Variants in EI24 observed in about 807,000 individuals in gnomAD.
EI24 encodes the protein EI24 autophagy associated transmembrane protein.
A neutral mutation model predicts 48.6 loss-of-function variants in EI24; 21 were observed. The ratio of observed to expected loss-of-function variants is 0.43; its 90% CI spans 0.31 to 0.62. EI24 has a LOEUF of 0.62. EI24 is among the 20% of genes least tolerant of loss of function. The pLI is 0.10. For missense variants in EI24, 280 were observed against 410.5 expected, an observed-to-expected ratio of 0.68 and a Z score of 2.75; for synonymous variants, 114 against 145.5, an observed-to-expected ratio of 0.78 and a Z score of 1.56.
chr11:125,571,138 AGCAGTTT>A (rs1354571131), intron 1 of EI24, among the ~76,000 whole-genome samples: 1 of 152,186 alleles, frequency 6.6e-6, no homozygotes, highest in African/African-American at 2.4e-5. Flanking sequence ...GTCAATGAGG[AGCAGTTT>A]GGTGAAGTGG....
At chr11:125,570,988 C>T (rs1484210341) in intron 1 of EI24, among the ~76,000 whole-genome samples, 1 of 152,174 alleles carries the variant, frequency 6.6e-6, no homozygotes. Context: ...GTTTCTTACC[C>T]TAGAGACTTC....
At position 125,584,386 on chromosome 11, in the gene EI24, A is replaced by G. The variant is rs531235748; in HGVS notation, c.*703A>G. ...TTCATTGGTACATTTAAAGTCCCCC[A>G]ACTATGGGGAGGTACCAATTCTGGA... On this transcript the variant is annotated 3_prime_UTR_variant, in exon 11 of 11. Transcript: ENST00000278903. 3 of 152,722 alleles carry G rather than the reference A, an allele frequency of 2.0e-5. No homozygotes were observed. The East Asian group carries it at 5.8e-4, about 29-fold the overall frequency. 9.5% of individuals were successfully genotyped at this position (152,722 alleles called of 1,614,324 possible). A position where few individuals can be genotyped will look rare whatever the true frequency, so the allele number is the denominator to read the frequency against.
At position 125,572,486 on chromosome 11, in the gene EI24, CTT is replaced by C; in HGVS notation, c.-41_-40del. On this transcript the variant is annotated 5_prime_UTR_variant, in exon 2 of 11. The change creates a premature stop within an existing upstream ORF in the 5' untranslated region. Coordinates refer to ENST00000278903, the MANE Select transcript of EI24 (RefSeq NM_004879.5). ...CTTCATGATGAGAGATTTGGGGACA[CTT>C]CTCTCTCCTGTGTGTAGTTGATAGT... is the stretch of plus-strand genomic sequence containing the variant. The C allele has an allele frequency of 2.5e-6, 4 of 1,594,768 alleles. No homozygotes were observed. In the South Asian group the frequency reaches 3.3e-5, roughly 13 times the overall value.
At chr11:125,577,679 A>C in intron 5 of EI24, 109 bp downstream of exon 5, 1 of 943,480 alleles carries the variant, frequency 1.1e-6, no homozygotes, top group Non-Finnish European at 1.6e-6. Flanking sequence ...TTCACTGTTT[A>C]TTTTCTTTTT....
chr11:125,576,119 A>G, intron 3 of EI24, 136 bp from the exon 4 acceptor site: 2 of 856,376 alleles, frequency 2.3e-6, no homozygotes, highest in Non-Finnish European at 3.7e-6. Context: ...ATTGACTGAC[A>G]TTAGAACATT....
At chr11:125,581,964 G>T (rs1007558259) in intron 9 of EI24, among the ~76,000 whole-genome samples, 103 of 152,086 alleles carry the variant, frequency 6.8e-4, no homozygotes, top group Non-Finnish European at 9.8e-4. Flanking sequence ...TTGGGAGGCT[G>T]AGGTGGGCAG....
Position 125,581,312 on chromosome 11 carries a change from T to C in EI24, c.775T>C (p.Tyr259His). 1 of 1,603,178 alleles carries C rather than the reference T, an allele frequency of 6.2e-7. No homozygotes were observed. Among genetic ancestry groups the C allele is most frequent in the Non-Finnish European group, 8.5e-7 (1 of 1,172,578 alleles). ...TTTTCTCACAGCAATGCAGTCCTCA[T>C]ATATTATCAGGTAATTTGGCTACAG... ...LAFLTAMQSSYIISGCLFSIL... is the reference protein window; with the variant it reads ...LAFLTAMQSSHIISGCLFSIL... Residue 259 changes from tyrosine (Y) to histidine (H), a missense_variant, in exon 9 of 11, where the codon TAT becomes CAT. By Grantham distance (83) the Tyr-to-His change is moderately conservative. Coordinates refer to ENST00000278903, the MANE Select transcript of EI24 (RefSeq NM_004879.5).
intron 4 of EI24, among the ~76,000 whole-genome samples, chr11:125,576,702 A>G (rs1938762548): frequency 6.6e-6 from 1 of 152,244 alleles, no homozygotes; most frequent in Admixed American, 6.5e-5. Flanking sequence ...GTGATCAACA[A>G]GAGTTAATTT....
chr11:125,582,457 A>C (rs751230360), intron 10 of EI24, 37 bp downstream of exon 10: 20 of 1,519,196 alleles, frequency 1.3e-5, no homozygotes, highest in Non-Finnish European at 1.8e-6. Flanking sequence ...TTGCTGTGTA[A>C]AGGGTTGGGG....
rs12417397 is a variant in EI24, at chr11:125,583,892, A to G, written c.*209A>G. Reference sequence around the variant, plus strand: ...CACCAGTGTGTGGATTTTTAACATCACCGTGAGTCTGAAAGGACCACAGGT... The same window carrying G: ...CACCAGTGTGTGGATTTTTAACATCGCCGTGAGTCTGAAAGGACCACAGGT... On this transcript the variant is annotated 3_prime_UTR_variant, in exon 11 of 11. Coordinates refer to ENST00000278903, the MANE Select transcript of EI24 (RefSeq NM_004879.5). The G allele has an allele frequency of 1.6e-6, 1 of 613,794 alleles. No individual in the cohort carries two copies. The highest frequency in any genetic ancestry group is 2.8e-6 in the Non-Finnish European group (1 of 356,438). The allele number at this position is 613,794 out of a possible 1,614,324, so 38.0% of individuals were successfully genotyped here.
chr11:125,583,318 A>G (rs531692815), intron 10 of EI24, among the ~76,000 whole-genome samples: 1 of 152,300 alleles, frequency 6.6e-6, no homozygotes, highest in African/African-American at 2.4e-5. Context: ...TGCTGGGATT[A>G]CAGGTATGAG....
In EI24 at chr11:125,578,017, G is replaced by A. The variant is rs752294064; in HGVS notation, c.317-116G>A. On this transcript the variant is annotated intron_variant, in intron 5 of 10. Coordinates refer to ENST00000278903, the MANE Select transcript of EI24 (RefSeq NM_004879.5). ...TTGAGATAGGTATAGTGATGTGCTG[G>A]CAAGAACTAGAAAGATCCAGGAGGA... 3.9e-5 allele frequency: 49 copies of A among 1,251,660 alleles called. No individual in the cohort carries two copies. In the Middle Eastern group the frequency reaches 8.1e-4, roughly 21 times the overall value. 77.5% of individuals were successfully genotyped at this position (1,251,660 alleles called of 1,614,324 possible). A position where few individuals can be genotyped will look rare whatever the true frequency, so the allele number is the denominator to read the frequency against.
In EI24 at chr11:125,583,573, T is replaced by C; in HGVS notation, c.913T>C (p.Phe305Leu). ...SLVVFLSNRL[F>L]HKTVYLQSAL... ...GGTGGTCTTCTTAAGCAACAGACTC[T>C]TCCACAAGACAGTCTACCTGCAGTC... is the stretch of plus-strand genomic sequence containing the variant. Residue 305 changes from phenylalanine (F) to leucine (L), a missense_variant, in exon 11 of 11, where the codon TTC becomes CTC. This residue lies in a region of EI24 where 62 missense variants were observed against 65.1 expected (regional missense o/e 0.95). Coordinates refer to ENST00000278903, the MANE Select transcript of EI24 (RefSeq NM_004879.5). The C allele has an allele frequency of 2.5e-6, 4 of 1,611,912 alleles. No individual in the cohort carries two copies. Among genetic ancestry groups the C allele is most frequent in the South Asian group, 1.1e-5 (1 of 90,832 alleles).
intron 7 of EI24, 50 bp from the exon 8 acceptor site, chr11:125,580,043 G>C: frequency 7.1e-7 from 1 of 1,402,562 alleles, no homozygotes; most frequent in South Asian, 1.2e-5. Context: ...GGTGAATGGT[G>C]CTAGGTTTCC....
intron 6 of EI24, 63 bp from the exon 7 acceptor site, chr11:125,578,886 T>C: frequency 6.5e-7 from 1 of 1,527,186 alleles, no homozygotes; most frequent in Non-Finnish European, 8.8e-7. Context: ...CTAGTGGCCT[T>C]AGCTTTGGGG....
At chr11:125,575,548 A>T in intron 3 of EI24, 140 bp downstream of exon 3, 1 of 1,021,056 alleles carries the variant, frequency 9.8e-7, no homozygotes, top group Non-Finnish European at 1.3e-6. Context: ...AACAACATTG[A>T]CTTAAACTAG....
chr11:125,572,390 G>A (rs997912379), intron 1 of EI24, 68 bp from the exon 2 acceptor site: 4 of 759,500 alleles, frequency 5.3e-6, no homozygotes, highest in South Asian at 1.6e-5. Context: ...TCATCATGTG[G>A]AAATGTGCAT....
At chr11:125,581,376 G>T (rs1169566998) in intron 9 of EI24, 54 bp downstream of exon 9, 2 of 1,210,702 alleles carry the variant, frequency 1.7e-6, no homozygotes, top group Non-Finnish European at 1.2e-6. Flanking sequence ...AATTCATGAA[G>T]TCAGTGCCTT....
rs1591361566 is a variant in EI24 at position 125,582,226 on chromosome 11, G to A, written c.786-120G>A. 10 of 899,366 alleles carry A rather than the reference G, an allele frequency of 1.1e-5. No individual in the cohort carries two copies. In the East Asian group the frequency reaches 2.8e-4, roughly 26 times the overall value. The allele number at this position is 899,366 out of a possible 1,614,324, so 55.7% of individuals were successfully genotyped here. A position where few individuals can be genotyped will look rare whatever the true frequency, so the allele number is the denominator to read the frequency against. ...AAAAAAAAATGTTTGAAATATTGAG[G>A]TTTCATCAAGCCATAATGTTTACAC... On this transcript the variant is annotated intron_variant, in intron 9 of 10. Transcript: ENST00000278903.
Sources: allele counts gnomAD v4.1 joint callset (sites outside exome capture counted in the v4.1 genomes callset), GRCh38; gene constraint gnomAD v4.1.1; regional missense constraint gnomAD v4.1.1; transcripts MANE v1.5; gene names NCBI Gene and HGNC (gene_info 2026-07-23, HGNC 2026-07-21).